The following SPON1 variants were observed in gnomAD, a reference collection of about 807,000 sequenced individuals.
SPON1 encodes spondin-1.
SPON1 carries 52 observed loss-of-function variants against 111.7 expected under a neutral mutation model. The observed-to-expected ratio is 0.47, with a 90% confidence interval of 0.37 to 0.59. SPON1 has a LOEUF of 0.59. Ranked by LOEUF, SPON1 falls within the 20% of genes least tolerant of loss-of-function variation. SPON1 has a pLI of 0.00. For missense variants in SPON1, 957 were observed against 1,068.5 expected, an observed-to-expected ratio of 0.90 and a Z score of 1.46; for synonymous variants, 410 against 395.8, an observed-to-expected ratio of 1.04 and a Z score of -0.43.
At chr11:14,210,329 C>A (rs1014724535) in intron 6 of SPON1, among the ~76,000 whole-genome samples, 1 of 146,560 alleles carries the variant, frequency 6.8e-6, no homozygotes, top group Non-Finnish European at 1.5e-5. Context: ...CTCATGAAGT[C>A]TTTGCCCATG....
At chr11:14,012,777 A>C (rs1848415844) in intron 2 of SPON1, among the ~76,000 whole-genome samples, 1 of 152,024 alleles carries the variant, frequency 6.6e-6, no homozygotes, top group African/African-American at 2.4e-5. Context: ...GCTAGAGTGC[A>C]AGTCCTTTGA....
At chr11:14,136,953 C>G (rs1224247334) in intron 6 of SPON1, among the ~76,000 whole-genome samples, 2 of 152,150 alleles carry the variant, frequency 1.3e-5, no homozygotes, top group African/African-American at 4.8e-5. Context: ...CCTGGAGGTT[C>G]ACATTCCCAG....
At chr11:14,203,669 T>G (rs983899494) in intron 6 of SPON1, among the ~76,000 whole-genome samples, 5 of 152,160 alleles carry the variant, frequency 3.3e-5, no homozygotes, top group Non-Finnish European at 7.3e-5. Context: ...TAATTTGAGT[T>G]GTGCCCATTG....
chr11:14,017,851 G>A (rs1259219879), intron 2 of SPON1, among the ~76,000 whole-genome samples: 2 of 152,220 alleles, frequency 1.3e-5, no homozygotes, highest in Non-Finnish European at 2.9e-5. Context: ...GATAATGGAT[G>A]CAATACATCA....
At chr11:14,035,842 T>A (rs1554916577) in intron 2 of SPON1, among the ~76,000 whole-genome samples, 1 of 152,108 alleles carries the variant, frequency 6.6e-6, no homozygotes, top group Non-Finnish European at 1.5e-5. Context: ...GATCTCGAAC[T>A]CCTAAGCTCA....
intron 3 of SPON1, among the ~76,000 whole-genome samples, chr11:14,072,723 A>C (rs1554921046): frequency 1.3e-5 from 2 of 152,200 alleles, no homozygotes; most frequent in African/African-American, 4.8e-5. Flanking sequence ...TTTTAGCAAG[A>C]GAGCTTTATG....
In SPON1 at chr11:13,962,968, C is replaced by T; in HGVS notation, c.64C>T (p.Pro22Ser). 2 of 1,592,604 alleles carry T rather than the reference C, an allele frequency of 1.3e-6. No individual in the cohort carries two copies. The highest frequency in any genetic ancestry group is 8.5e-7 in the Non-Finnish European group (1 of 1,171,306). Residue 22 changes from proline to serine, a missense_variant, in exon 1 of 16, where the codon CCC becomes TCC. By Grantham distance (74) the Pro-to-Ser change is moderately conservative (BLOSUM62 -1). Coordinates refer to ENST00000576479, the MANE Select transcript of SPON1 (RefSeq NM_006108.4). Reference sequence around the variant, plus strand: ...TCCGGCACTGCTGGCCCTGGCGCTGCCCCTGGCCGCGGCGCTGGCCTTCTC... The same window carrying T: ...TCCGGCACTGCTGGCCCTGGCGCTGTCCCTGGCCGCGGCGCTGGCCTTCTC... Reference protein sequence around the residue: ...RTPALLALALPLAAALAFSDE... With the variant: ...RTPALLALALSLAAALAFSDE...
intron 2 of SPON1, among the ~76,000 whole-genome samples, chr11:14,024,465 C>T (rs1288075720): frequency 2.6e-5 from 4 of 151,978 alleles, no homozygotes; most frequent in Non-Finnish European, 5.9e-5. Context: ...AGGTGGTCTT[C>T]CCCTGGAGTC....
intron 5 of SPON1, among the ~76,000 whole-genome samples, chr11:14,090,824 G>GCCCC (rs1176498162): frequency 6.6e-5 from 3 of 45,608 alleles, no homozygotes; most frequent in African/African-American, 9.7e-5. Context: ...CTCTTATCTG[G>GCCCC]CCCCCCCCCC....
intron 6 of SPON1, among the ~76,000 whole-genome samples, chr11:14,163,954 G>A (rs1554931652): frequency 6.6e-6 from 1 of 152,022 alleles, no homozygotes; most frequent in Non-Finnish European, 1.5e-5. Flanking sequence ...CCTTCAAACT[G>A]GGAAGCATTC....
chr11:13,971,109 C>A (rs146215085), intron 1 of SPON1, among the ~76,000 whole-genome samples: 3 of 152,192 alleles, frequency 2.0e-5, no homozygotes, highest in African/African-American at 7.2e-5. Context: ...AGGTGAGCAC[C>A]CAAGGGATGG....
chr11:14,187,727 G>C (rs2133890210), intron 6 of SPON1, among the ~76,000 whole-genome samples: 1 of 152,132 alleles, frequency 6.6e-6, no homozygotes, highest in East Asian at 1.9e-4. Context: ...CAATTCTCCT[G>C]CCTCAGCCTC....
In SPON1 at chr11:13,982,811, C is replaced by A. The variant is rs1289289771; in HGVS notation, c.239-36C>A. 6.5e-6 allele frequency: 9 copies of A among 1,385,362 alleles called. No homozygotes were observed. In the African/African-American group the frequency reaches 1.3e-4, roughly 20 times the overall value. 85.8% of individuals were successfully genotyped at this position (1,385,362 alleles called of 1,614,324 possible). On this transcript the variant is annotated intron_variant, in intron 1 of 15. Coordinates refer to ENST00000576479, the MANE Select transcript of SPON1 (RefSeq NM_006108.4). The stretch of plus-strand genomic sequence containing the variant: ...TTTGACAAATGGACAATAATTGATT[C>A]TTATACTTAAAACCTGCTTTTTTCT...
intron 6 of SPON1, among the ~76,000 whole-genome samples, chr11:14,191,845 A>G (rs11023134): frequency 6.6e-6 from 1 of 152,310 alleles, no homozygotes; most frequent in East Asian, 1.9e-4. Flanking sequence ...ATTTTCATGT[A>G]TTCAACTTTC....
At chr11:14,138,742 G>C (rs1847619984) in intron 6 of SPON1, among the ~76,000 whole-genome samples, 1 of 152,186 alleles carries the variant, frequency 6.6e-6, no homozygotes, top group Non-Finnish European at 1.5e-5. Context: ...TTCTACTTCA[G>C]TAAGCCCATA....
intron 2 of SPON1, among the ~76,000 whole-genome samples, chr11:14,040,249 C>T (rs1318679381): frequency 3.3e-5 from 5 of 152,130 alleles, no homozygotes; most frequent in African/African-American, 9.7e-5. Context: ...CAACTAAGTG[C>T]CCCTCACTGG....
chr11:13,985,894 T>A (rs1848178748), intron 2 of SPON1, among the ~76,000 whole-genome samples: 1 of 152,140 alleles, frequency 6.6e-6, no homozygotes, highest in Non-Finnish European at 1.5e-5. Flanking sequence ...TGGGTTCCAA[T>A]TGTCTCAGAG....
chr11:14,097,976 T>C (rs1474248044), intron 5 of SPON1, among the ~76,000 whole-genome samples: 2 of 152,182 alleles, frequency 1.3e-5, no homozygotes, highest in African/African-American at 4.8e-5. Flanking sequence ...TGTACACTTC[T>C]AATTTTTTTA....
intron 2 of SPON1, among the ~76,000 whole-genome samples, chr11:14,031,294 T>C (rs1554916026): frequency 2.0e-5 from 3 of 152,210 alleles, no homozygotes; most frequent in African/African-American, 7.2e-5. Flanking sequence ...AACAAACCTG[T>C]ACATGTACAC....
Sources: gnomAD v4.1 joint callset for allele counts (sites outside exome capture counted in the v4.1 genomes callset) on GRCh38, gnomAD v4.1.1 for gene constraint, MANE v1.5 for transcripts, NCBI Gene and HGNC (gene_info 2026-07-23, HGNC 2026-07-21) for gene names.